LUZP2: variants seen among roughly 807,000 people sequenced by gnomAD.
LUZP2 encodes leucine zipper protein 2.
A neutral mutation model predicts 51.6 loss-of-function variants in LUZP2; 52 were observed. The observed-to-expected ratio is 1.01, with a 90% confidence interval of 0.81 to 1.27. LUZP2 has a LOEUF of 1.27. Ranked by LOEUF, LUZP2 falls within the 50% of genes most tolerant of loss-of-function variation. The pLI is 0.00. For synonymous variants in LUZP2, 154 were observed against 137.3 expected (o/e 1.12, Z -0.85); for missense variants, 436 against 395.4 (o/e 1.10, Z -0.87).
intron 7 of LUZP2, among the ~76,000 whole-genome samples, chr11:24,944,991 A>G (rs946643576): frequency 4.6e-5 from 7 of 152,188 alleles, no homozygotes; most frequent in Admixed American, 3.9e-4. Flanking sequence ...GTTTGAAGAC[A>G]CTGAGGTAGA....
intron 1 of LUZP2, among the ~76,000 whole-genome samples, chr11:24,714,280 C>G (rs2029191): frequency 0.81 from 123,464 of 151,846 alleles, 50,735 homozygotes; most frequent in African/African-American, 0.93. Flanking sequence ...TGCATGTTCT[C>G]TATCCCAGAT....
rs542957563 is a variant in LUZP2, at chr11:24,906,252, A to T, written c.459+199A>T. ...GCAATAGCCAAAAGGAAAAAAAAAAATTAACAAAGGCAGGTAATGATCACC... is the reference window on the plus strand; with the variant it reads ...GCAATAGCCAAAAGGAAAAAAAAAATTTAACAAAGGCAGGTAATGATCACC... On this transcript the variant is annotated intron_variant, in intron 6 of 11. Transcript: ENST00000336930. Among the ~76,000 whole-genome samples, 143 of 152,016 alleles carry T rather than the reference A, an allele frequency of 9.4e-4. 1 individual carries two copies. The Middle Eastern group carries it at 0.031, about 33-fold the overall frequency.
chr11:24,532,013 T>C (rs1022030496), intron 1 of LUZP2, among the ~76,000 whole-genome samples: 4 of 151,020 alleles, frequency 2.6e-5, no homozygotes, highest in African/African-American at 9.7e-5. Context: ...AAGAATTCTG[T>C]TTTTAATATT....
chr11:24,541,189 G>T (rs1419360450), intron 1 of LUZP2, among the ~76,000 whole-genome samples: 2 of 143,288 alleles, frequency 1.4e-5, no homozygotes, highest in Non-Finnish European at 3.0e-5. Flanking sequence ...GGAGACAGAA[G>T]TTGCAGTAAG....
chr11:24,949,120 A>T (rs1854994244), intron 7 of LUZP2, among the ~76,000 whole-genome samples: 2 of 151,648 alleles, frequency 1.3e-5, no homozygotes, highest in Non-Finnish European at 3.0e-5. Flanking sequence ...TATAAATCCC[A>T]GTGAAATGGC....
At chr11:24,993,872 GT>G (rs1565201887) in intron 9 of LUZP2, among the ~76,000 whole-genome samples, 2 of 151,032 alleles carry the variant, frequency 1.3e-5, no homozygotes, top group African/African-American at 4.9e-5. Flanking sequence ...TTTGGGGGGG[GT>G]GTGGGGGAAT....
At chr11:24,544,922 T>G (rs1015297180) in intron 1 of LUZP2, among the ~76,000 whole-genome samples, 4 of 152,076 alleles carry the variant, frequency 2.6e-5, no homozygotes, top group Non-Finnish European at 4.4e-5. Context: ...TACGCATCCC[T>G]TTTTCTCTGC....
At chr11:24,964,430 C>T (rs1046848800) in intron 7 of LUZP2, among the ~76,000 whole-genome samples, 3 of 152,070 alleles carry the variant, frequency 2.0e-5, no homozygotes, top group African/African-American at 7.2e-5. Context: ...ACTTTATACC[C>T]AGCCCAACAT....
intron 5 of LUZP2, chr11:24,786,155 T>A: frequency 3.0e-6 from 3 of 985,108 alleles, no homozygotes; most frequent in Non-Finnish European, 3.6e-6. Flanking sequence ...TTGTAAAATA[T>A]ATGTCTCAGG....
At chr11:24,587,243 A>G (rs998224854) in intron 1 of LUZP2, among the ~76,000 whole-genome samples, 2 of 152,160 alleles carry the variant, frequency 1.3e-5, no homozygotes, top group African/African-American at 4.8e-5. Context: ...TTTTCCCAGT[A>G]ACAGGACCCA....
At chr11:24,504,841 C>T (rs1476350001) in intron 1 of LUZP2, among the ~76,000 whole-genome samples, 1 of 151,998 alleles carries the variant, frequency 6.6e-6, no homozygotes, top group Non-Finnish European at 1.5e-5. Flanking sequence ...GGAACTAACC[C>T]AATGAATGGC....
intron 9 of LUZP2, among the ~76,000 whole-genome samples, chr11:24,985,262 C>A (rs10767295): frequency 0.99 from 150,385 of 151,726 alleles, 74,554 homozygotes; most frequent in Middle Eastern, 1. Context: ...AGAAAACTGC[C>A]GGATTTGTTC....
At chr11:24,696,138 G>C (rs929261021) in intron 1 of LUZP2, among the ~76,000 whole-genome samples, 30 of 152,028 alleles carry the variant, frequency 2.0e-4, no homozygotes, top group African/African-American at 7.0e-4. Flanking sequence ...GGGGACAGTG[G>C]TCTTGGTATT....
chr11:25,024,495 C>T (rs761276871), intron 9 of LUZP2, among the ~76,000 whole-genome samples: 1 of 152,086 alleles, frequency 6.6e-6, no homozygotes, highest in Non-Finnish European at 1.5e-5. Context: ...CATTCCTATA[C>T]ACCAATAACA....
chr11:24,749,098 G>A (rs12791552), intron 4 of LUZP2, among the ~76,000 whole-genome samples: 14,355 of 152,176 alleles, frequency 0.094, 840 homozygotes, highest in Non-Finnish European at 0.13. Flanking sequence ...CCCCTTCTAA[G>A]GATGTAGTTA....
chr11:25,028,588 T>C (rs952880510), intron 9 of LUZP2, among the ~76,000 whole-genome samples: 3 of 152,134 alleles, frequency 2.0e-5, no homozygotes, highest in Non-Finnish European at 2.9e-5. Flanking sequence ...AGCTAAAAAT[T>C]AAAACAATTG....
intron 5 of LUZP2, among the ~76,000 whole-genome samples, chr11:24,903,736 G>A (rs1226124834): frequency 1.3e-5 from 2 of 152,162 alleles, no homozygotes; most frequent in African/African-American, 4.8e-5. Flanking sequence ...AGCTATTGCA[G>A]TAAAAGACAG....
intron 5 of LUZP2, among the ~76,000 whole-genome samples, chr11:24,884,452 G>T (rs1168015791): frequency 1.3e-5 from 2 of 151,858 alleles, no homozygotes. Flanking sequence ...ACATACATTC[G>T]ACACCTAGTC....
intron 5 of LUZP2, among the ~76,000 whole-genome samples, chr11:24,905,086 G>T (rs1386273836): frequency 6.6e-6 from 1 of 152,022 alleles, no homozygotes; most frequent in African/African-American, 2.4e-5. Context: ...AATTACATAT[G>T]CATCCTACAC....
Sources: gnomAD v4.1 joint callset for allele counts (sites outside exome capture counted in the v4.1 genomes callset) on GRCh38, gnomAD v4.1.1 for gene constraint, MANE v1.5 for transcripts, NCBI Gene and HGNC (gene_info 2026-07-23, HGNC 2026-07-21) for gene names.